PPFIBP1: variants seen among roughly 807,000 people sequenced by gnomAD.
PPFIBP1 encodes the protein PPFIB scaffold protein 1, also known as liprin-beta-1.
Under a neutral mutation model 137.8 loss-of-function variants are expected in PPFIBP1, and 112 were observed. That is an observed-to-expected ratio of 0.81 (90% CI 0.70 to 0.95). PPFIBP1 has a LOEUF of 0.95. Ranked by LOEUF, PPFIBP1 falls within the 40% of genes least tolerant of loss-of-function variation. The pLI, the probability that PPFIBP1 is intolerant of heterozygous loss-of-function variation, is 0.00. For synonymous variants in PPFIBP1, 378 were observed against 417.3 expected (o/e 0.91, Z 1.15); for missense variants, 1,083 against 1,196.6 (o/e 0.91, Z 1.40).
intron 2 of PPFIBP1, among the ~76,000 whole-genome samples, chr12:27,595,646 G>A (rs1371313888): frequency 2.6e-5 from 4 of 151,976 alleles, no homozygotes; most frequent in Non-Finnish European, 4.4e-5. Flanking sequence ...CCTGAGGTCC[G>A]GAGTTTGAGA....
At chr12:27,569,289 TACAC>T (rs139907238) in intron 1 of PPFIBP1, among the ~76,000 whole-genome samples, 8,437 of 152,314 alleles carry the variant, frequency 0.055, 318 homozygotes, top group East Asian at 0.13. Flanking sequence ...TTATAAATAA[TACAC>T]ACATTATTGC....
chr12:27,660,390 A>G (rs2059466581), intron 10 of PPFIBP1, among the ~76,000 whole-genome samples: 1 of 152,238 alleles, frequency 6.6e-6, no homozygotes, highest in East Asian at 1.9e-4. Context: ...GTATGGAACT[A>G]CAACCAGCTT....
Position 27,674,171 on chromosome 12 carries a change from T to C in PPFIBP1, c.1381-21T>C, listed in dbSNP as rs563227152. ...AAAGGATTTCCCTAACAACCTTAAA[T>C]ATTGTTATTGCTTTGAACAGGAAAA... On this transcript the variant is annotated intron_variant, in intron 16 of 29. Transcript: ENST00000228425. The C allele has an allele frequency of 1.4e-5, 22 of 1,577,940 alleles. No individual in the cohort carries two copies. The East Asian group carries it at 3.8e-4, about 27-fold the overall frequency.
At chr12:27,591,435 T>G (rs938101338) in intron 2 of PPFIBP1, among the ~76,000 whole-genome samples, 1 of 152,142 alleles carries the variant, frequency 6.6e-6, no homozygotes, top group Non-Finnish European at 1.5e-5. Context: ...GCAAAGGAGT[T>G]TCAGAGGGCA....
At chr12:27,687,343 C>T in intron 24 of PPFIBP1, 42 bp from the exon 25 acceptor site, 2 of 1,593,222 alleles carry the variant, frequency 1.3e-6, no homozygotes, top group Non-Finnish European at 1.7e-6. Context: ...CCTCCTGCTA[C>T]AGGCCAGCAC....
intron 2 of PPFIBP1, among the ~76,000 whole-genome samples, chr12:27,613,436 G>C (rs1487037908): frequency 6.6e-6 from 1 of 152,226 alleles, no homozygotes; most frequent in Admixed American, 6.5e-5. Flanking sequence ...AGGCACAGTG[G>C]CTCATGCCTA....
chr12:27,589,192 G>C (rs993917265), intron 2 of PPFIBP1, among the ~76,000 whole-genome samples: 25 of 152,176 alleles, frequency 1.6e-4, no homozygotes, highest in African/African-American at 5.3e-4. Context: ...GCAATTAACT[G>C]TTCCTTCAAA....
At chr12:27,645,955 A>C (rs1445915201) in intron 4 of PPFIBP1, 107 bp from the exon 5 acceptor site, 15 of 774,358 alleles carry the variant, frequency 1.9e-5, no homozygotes. Context: ...ACAGCTGTGC[A>C]GATTCAATTC....
At chr12:27,640,333 C>T (rs1467501989) in intron 4 of PPFIBP1, among the ~76,000 whole-genome samples, 3 of 152,150 alleles carry the variant, frequency 2.0e-5, no homozygotes, top group Non-Finnish European at 4.4e-5. Flanking sequence ...TCATGTTATC[C>T]TTCCCAAAGT....
chr12:27,600,515 A>G (rs1327662567), intron 2 of PPFIBP1, among the ~76,000 whole-genome samples: 2 of 151,840 alleles, frequency 1.3e-5, no homozygotes, highest in Admixed American at 6.6e-5. Flanking sequence ...CTTAAATCTC[A>G]GTTTGGTCAA....
At chr12:27,579,733 A>G (rs1372170552) in intron 2 of PPFIBP1, among the ~76,000 whole-genome samples, 2 of 152,052 alleles carry the variant, frequency 1.3e-5, no homozygotes, top group Non-Finnish European at 2.9e-5. Context: ...TGATGATTCT[A>G]TTTTGTTTGT....
intron 2 of PPFIBP1, among the ~76,000 whole-genome samples, chr12:27,613,716 AAG>A (rs1174718772): frequency 6.6e-6 from 1 of 151,728 alleles, no homozygotes; most frequent in Non-Finnish European, 1.5e-5. Flanking sequence ...AAAAAAAAAA[AAG>A]AAAAAAAAAT....
chr12:27,582,410 G>A lies in PPFIBP1; in HGVS notation c.-36+4171G>A, dbSNP rs571861931. Among the ~76,000 whole-genome samples the A allele has an allele frequency of 4.6e-5, 7 of 152,198 alleles. No individual in the cohort carries two copies. In the East Asian group the frequency reaches 1.2e-3, roughly 25 times the overall value. ...TTTTACACCTATTTAGTGGATGTGTGGTTTAATGTTATGGTATTTTGGGGA... is the reference window on the plus strand; with the variant it reads ...TTTTACACCTATTTAGTGGATGTGTAGTTTAATGTTATGGTATTTTGGGGA... On this transcript the variant is annotated intron_variant, in intron 2 of 29. Transcript: ENST00000228425.
chr12:27,689,237 T>C, intron 27 of PPFIBP1, 34 bp downstream of exon 27: 1 of 1,504,316 alleles, frequency 6.6e-7, no homozygotes, highest in Non-Finnish European at 8.8e-7. Flanking sequence ...AATAATTGCT[T>C]GGCGCAAAGG....
intron 2 of PPFIBP1, among the ~76,000 whole-genome samples, chr12:27,579,557 T>A (rs1226517876): frequency 1.3e-5 from 2 of 152,226 alleles, no homozygotes; most frequent in Non-Finnish European, 2.9e-5. Flanking sequence ...TTTTGCTTAT[T>A]ATGTTTGTGA....
intron 1 of PPFIBP1, among the ~76,000 whole-genome samples, chr12:27,550,977 T>A (rs374138761): frequency 1.5e-5 from 2 of 135,942 alleles, no homozygotes; most frequent in Non-Finnish European, 3.1e-5. Flanking sequence ...GGCACTAATT[T>A]TATATATATA....
intron 2 of PPFIBP1, among the ~76,000 whole-genome samples, chr12:27,603,497 C>T (rs972967014): frequency 6.6e-6 from 1 of 152,156 alleles, no homozygotes; most frequent in African/African-American, 2.4e-5. Flanking sequence ...TGTGTGCACA[C>T]AATAATTATA....
intron 1 of PPFIBP1, among the ~76,000 whole-genome samples, chr12:27,533,571 C>G (rs1592287619): frequency 6.6e-6 from 1 of 152,252 alleles, no homozygotes; most frequent in Admixed American, 6.5e-5. Flanking sequence ...TGGTTCTGTA[C>G]TTGGGGTGTT....
intron 2 of PPFIBP1, among the ~76,000 whole-genome samples, chr12:27,623,191 A>AGAGT: frequency 6.6e-6 from 1 of 152,320 alleles, no homozygotes; most frequent in African/African-American, 2.4e-5. Flanking sequence ...GGTTAGAGTT[A>AGAGT]GAGTGGGTAG....
Sources: gnomAD v4.1 joint callset for allele counts (sites outside exome capture counted in the v4.1 genomes callset) on GRCh38, gnomAD v4.1.1 for gene constraint, MANE v1.5 for transcripts, NCBI Gene and HGNC (gene_info 2026-07-23, HGNC 2026-07-21) for gene names.